The following QRICH2 variants were observed in gnomAD, a reference collection of about 807,000 sequenced individuals.
The protein encoded by QRICH2 is glutamine-rich protein 2.
A neutral mutation model predicts 168.3 loss-of-function variants in QRICH2; 119 were observed. The observed-to-expected ratio is 0.71, with a 90% CI of 0.61 to 0.82. The LOEUF (loss-of-function observed/expected upper bound fraction) is 0.82. Among genes scored for constraint, QRICH2 ranks in the 40% least tolerant of loss-of-function variants. The pLI, the probability that QRICH2 is intolerant of heterozygous loss-of-function variation, is 0.00. For missense variants in QRICH2, 2,241 were observed against 2,491.6 expected, an observed-to-expected ratio of 0.90 and a Z score of 2.14; for synonymous variants, 894 against 951.2, an observed-to-expected ratio of 0.94 and a Z score of 1.11.
chr17:76,309,226 C>T (rs1369517842), upstream of QRICH2, among the ~76,000 whole-genome samples: 7 of 150,380 alleles, frequency 4.7e-5, no homozygotes, highest in Non-Finnish European at 7.4e-5. Flanking sequence ...CATGGTACCG[C>T]GCATCTGTAA....
At position 76,308,216 on chromosome 17, in the gene QRICH2, G is replaced by T. The variant is rs906822885; in HGVS notation, c.-218C>A. On this transcript the variant is annotated 5_prime_UTR_variant, in exon 1 of 19. Transcript: ENST00000680821. ...GATGGCCACCCCTCCGCTGTCTGTC[G>T]CTGGCCTCGGGTCCCCGAGCTGGAG... 1.0e-6 allele frequency: 1 copy of T among 985,298 alleles called. No individual in the cohort carries two copies. Among genetic ancestry groups the T allele is most frequent in the Non-Finnish European group, 1.2e-6 (1 of 829,912 alleles). 61.0% of individuals were successfully genotyped at this position (985,298 alleles called of 1,614,324 possible).
At chr17:76,275,237 G>T (rs2070653141) in intron 18 of QRICH2, among the ~76,000 whole-genome samples, 1 of 152,156 alleles carries the variant, frequency 6.6e-6, no homozygotes, top group South Asian at 2.1e-4. Context: ...GCACCCCCTT[G>T]ATGACAGACG....
intron 3 of QRICH2, among the ~76,000 whole-genome samples, chr17:76,297,181 T>C (rs1002686622): frequency 3.9e-5 from 6 of 152,160 alleles, no homozygotes; most frequent in Non-Finnish European, 7.3e-5. Flanking sequence ...AGCTGTGTCC[T>C]GGGGGAAACA....
chr17:76,298,684 C>G (rs557533820), intron 3 of QRICH2, among the ~76,000 whole-genome samples: 1 of 151,820 alleles, frequency 6.6e-6, no homozygotes, highest in Non-Finnish European at 1.5e-5. Flanking sequence ...GGCGCGATCT[C>G]GGCTCACTGC....
chr17:76,308,524 T>C, upstream of QRICH2: 1 of 984,104 alleles, frequency 1.0e-6, no homozygotes, highest in Non-Finnish European at 1.2e-6. Context: ...AACCATGCTT[T>C]GTGTCATCAG....
chr17:76,292,026 A>C lies in QRICH2; in HGVS notation c.2701T>G (p.Leu901Val). The part of the protein sequence containing the change: ...LIQPGADQPG[L>V]VQPGAGQLGM... ...AGCTGACCTGCACCAGGCTGGACCA[A>C]ACCAGGCTGATCTGCACCAGGTTGG... Residue 901 changes from leucine (L) to valine (V), a missense_variant, in exon 4 of 19, where the codon TTG (leucine) becomes GTG (valine). By Grantham distance (32) the Leu-to-Val change is conservative (BLOSUM62 1). Transcript: ENST00000680821. 1.2e-6 allele frequency: 2 copies of C among 1,614,220 alleles called. No individual in the cohort carries two copies. Among genetic ancestry groups the C allele is most frequent in the Non-Finnish European group, 1.7e-6 (2 of 1,180,038 alleles).
Position 76,281,755 on chromosome 17 carries a change from G to T in QRICH2, c.4263+109C>A. The T allele has an allele frequency of 7.2e-7, 1 of 1,396,660 alleles. No homozygotes were observed. The highest frequency in any genetic ancestry group is 9.9e-7 in the Non-Finnish European group (1 of 1,011,576). The allele number at this position is 1,396,660 out of a possible 1,614,324, so 86.5% of individuals were successfully genotyped here. ...CTAAAGGGCTCCGCCACGGAGAGCT[G>T]ACCTTGAGGCCCAAACACCCGCCCC... On this transcript the variant is annotated intron_variant, in intron 8 of 18. Coordinates refer to ENST00000680821, the MANE Select transcript of QRICH2 (RefSeq NM_001388453.1). The surrounding 1 kb of genome is among the most constrained non-coding windows in gnomAD (Gnocchi z 4.4).
In QRICH2 at chr17:76,274,271, G is replaced by C; in HGVS notation, c.5483-11C>G. The C allele has an allele frequency of 6.4e-7, 1 of 1,571,690 alleles. No homozygotes were observed. The highest frequency in any genetic ancestry group is 8.6e-7 in the Non-Finnish European group (1 of 1,165,490). ...GTTGACGAGAAGAAACTGTAAGACAGGGGTGCTGAGGTTGCTCAACACATT... is the reference window on the plus strand; with the variant it reads ...GTTGACGAGAAGAAACTGTAAGACACGGGTGCTGAGGTTGCTCAACACATT... On this transcript the variant is annotated splice_polypyrimidine_tract_variant and intron_variant, in intron 18 of 18. Transcript: ENST00000680821.
In QRICH2 at chr17:76,293,854, T is replaced by C. The variant is rs778555044; in HGVS notation, c.873A>G (p.Thr291=). Residue 291 remains threonine (T), a synonymous_variant, in exon 4 of 19, where the codon ACA becomes ACG. Transcript: ENST00000680821. Reference sequence around the variant, plus strand: ...TGGAAACCCCATCAGAGGGGTGTGCTGTGCCACCAGATCCTGATGCAGTCC... The same window carrying C: ...TGGAAACCCCATCAGAGGGGTGTGCCGTGCCACCAGATCCTGATGCAGTCC... ...PDRTASGSGG[T]AHPSDGVSSR... is the part of the protein sequence containing the mutation. The C allele has an allele frequency of 1.9e-6, 3 of 1,614,082 alleles. No homozygotes were observed. The highest frequency in any genetic ancestry group is 3.3e-5 in the Admixed American group (2 of 60,012).
intron 1 of QRICH2, among the ~76,000 whole-genome samples, chr17:76,306,178 A>AC (rs1192275745): frequency 6.6e-6 from 1 of 150,998 alleles, no homozygotes; most frequent in Non-Finnish European, 1.5e-5. Flanking sequence ...CAAAAAAAAA[A>AC]AAAAAAAAAA....
intron 14 of QRICH2, 113 bp downstream of exon 14, chr17:76,278,928 C>T (rs186282856): frequency 8.0e-6 from 7 of 870,048 alleles, no homozygotes; most frequent in Admixed American, 4.0e-5. Context: ...TCCCACAGCA[C>T]TGCCTTCTGT....
chr17:76,293,961 C>T lies in QRICH2; in HGVS notation c.766G>A (p.Glu256Lys). ...GTAGAGTCTCCGCTTAGAGTCCCTT[C>T]AGGTGATGTTAAGGAAGTGAACCCT... ...HGGFTSLTSP[E>K]GTLSGDSTKQ... is the part of the protein sequence containing the mutation. Residue 256 changes from glutamate to lysine, a missense_variant, in exon 4 of 19, where the codon GAA becomes AAA. Glu to Lys is a moderately conservative substitution (Grantham distance 56). Transcript: ENST00000680821. 1.9e-6 allele frequency: 3 copies of T among 1,614,092 alleles called. No homozygotes were observed. Among genetic ancestry groups the T allele is most frequent in the Non-Finnish European group, 1.7e-6 (2 of 1,179,996 alleles).
chr17:76,307,374 C>T lies in QRICH2; in HGVS notation c.534+91G>A. Reference sequence around the variant, plus strand: ...CATCCCCTCCGTCCCCACCACCGCTCACCCCTCCAGGGTGGTGGGGACTCG... The same window carrying T: ...CATCCCCTCCGTCCCCACCACCGCTTACCCCTCCAGGGTGGTGGGGACTCG... On this transcript the variant is annotated intron_variant, in intron 1 of 18. Coordinates refer to ENST00000680821, the MANE Select transcript of QRICH2 (RefSeq NM_001388453.1). This position sits in a 1 kb window ranked among gnomAD's most constrained non-coding sequence, Gnocchi z 5.3. 7.2e-7 allele frequency: 1 copy of T among 1,383,350 alleles called. No individual in the cohort carries two copies. The highest frequency in any genetic ancestry group is 1.0e-6 in the Non-Finnish European group (1 of 978,192). 85.7% of individuals were successfully genotyped at this position (1,383,350 alleles called of 1,614,324 possible). A position where few individuals can be genotyped will look rare whatever the true frequency, so the allele number is the denominator to read the frequency against.
chr17:76,277,647 TACTC>T lies in QRICH2; in HGVS notation c.5117+338_5118-338del, dbSNP rs540360371. On this transcript the variant is annotated intron_variant, in intron 15 of 18. Coordinates refer to ENST00000680821, the MANE Select transcript of QRICH2 (RefSeq NM_001388453.1). ...ACATACACACGAACATATACATACA[TACTC>T]ATACACATGCACACACACACACGTA... Among the ~76,000 whole-genome samples the T allele has an allele frequency of 8.5e-4, 129 of 150,976 alleles. 2 individuals are homozygous for T. In the South Asian group the frequency reaches 0.022, roughly 26 times the overall value.
At chr17:76,310,708 A>G (rs1338004801), upstream of QRICH2, 1 of 150,874 alleles carries the variant, frequency 6.6e-6, no homozygotes, top group African/African-American at 2.4e-5. Context: ...GGCTCAAGCA[A>G]TCCTCCTTGC....
At chr17:76,285,901 G>A (rs948067832) in intron 7 of QRICH2, among the ~76,000 whole-genome samples, 37 of 151,698 alleles carry the variant, frequency 2.4e-4, no homozygotes, top group East Asian at 5.8e-4. Flanking sequence ...GGCCAGGTGC[G>A]GTGGCTCACG....
At position 76,291,788 on chromosome 17, in the gene QRICH2, C is replaced by T; in HGVS notation, c.2939G>A (p.Gly980Asp). Residue 980 changes from glycine to aspartate, a missense_variant, in exon 4 of 19, where the codon GGC (glycine) becomes GAC (aspartate). Physicochemically the swap from Gly to Asp is moderately conservative, Grantham distance 94 (BLOSUM62 -1). Transcript: ENST00000680821. ...AAGCTTTGTGCCTGGTGCTATCAAG[C>T]CTGGCTGATATGCACCAGGTTGTCT... ...GLRQPGAYQP[G>D]LIAPGTKLRG... The T allele has an allele frequency of 1.9e-6, 3 of 1,614,184 alleles. No homozygotes were observed. The highest frequency in any genetic ancestry group is 2.5e-6 in the Non-Finnish European group (3 of 1,180,034).
chr17:76,295,358 T>C lies in QRICH2; in HGVS notation c.706-1337A>G, dbSNP rs142971142. 4.4e-3 allele frequency among the ~76,000 whole-genome samples: 673 copies of C among 152,048 alleles called. 3 individuals are homozygous for C. The highest frequency in any genetic ancestry group is 7.0e-3 in the Non-Finnish European group (478 of 67,960). On this transcript the variant is annotated intron_variant, in intron 3 of 18. Coordinates refer to ENST00000680821, the MANE Select transcript of QRICH2 (RefSeq NM_001388453.1). ...TATACTGGAATGCATGTAAACCATA[T>C]ATTTAAAATGTATAGGCTGGGCACA...
At chr17:76,282,216 C>A in intron 7 of QRICH2, 101 bp from the exon 8 acceptor site, 5 of 1,432,254 alleles carry the variant, frequency 3.5e-6, no homozygotes, top group Non-Finnish European at 1.9e-6. Context: ...TCTCCCCTGT[C>A]GTGCCCTGGG....
Sources: gnomAD v4.1 joint callset for allele counts (sites outside exome capture counted in the v4.1 genomes callset) on GRCh38, gnomAD v4.1.1 for gene constraint, Gnocchi (gnomAD v3.1) non-coding constraint, MANE v1.5 for transcripts, NCBI Gene and HGNC (gene_info 2026-07-23, HGNC 2026-07-21) for gene names.